ENG: variants seen among roughly 807,000 people sequenced by gnomAD.
ENG encodes the protein CD105 antigen.
A neutral mutation model predicts 71.0 loss-of-function variants in ENG; 17 were observed. The observed-to-expected ratio is 0.24, with a 90% CI of 0.16 to 0.36. The LOEUF is 0.36. Among genes scored for constraint, ENG ranks in the 10% least tolerant of loss-of-function variants. The pLI, the probability that ENG is intolerant of heterozygous loss-of-function variation, is 1.00. For missense variants in ENG, 749 were observed against 868.3 expected, an observed-to-expected ratio of 0.86 and a Z score of 1.73; for synonymous variants, 360 against 366.9, an observed-to-expected ratio of 0.98 and a Z score of 0.21.
intron 1 of ENG, among the ~76,000 whole-genome samples, chr9:127,849,994 G>A (rs1376320917): frequency 6.6e-6 from 1 of 152,226 alleles, no homozygotes; most frequent in African/African-American, 2.4e-5. Flanking sequence ...CTGAATAAAT[G>A]TCAGTTGTTA....
At chr9:127,820,058 A>G in intron 8 of ENG, 21 bp from the exon 9 acceptor site, 1 of 1,611,804 alleles carries the variant, frequency 6.2e-7, no homozygotes, top group Non-Finnish European at 8.5e-7. Flanking sequence ...AGAGAGGGGC[A>G]CCATCAGGAG....
At chr9:127,841,692 T>A (rs1196648357) in intron 2 of ENG, among the ~76,000 whole-genome samples, 1 of 152,104 alleles carries the variant, frequency 6.6e-6, no homozygotes, top group Non-Finnish European at 1.5e-5. Context: ...AGATTGGCCA[T>A]AAGTTTACCC....
chr9:127,829,660 G>T, intron 3 of ENG, 27 bp downstream of exon 3: 2 of 1,613,532 alleles, frequency 1.2e-6, no homozygotes, highest in Non-Finnish European at 8.5e-7. Context: ...CAGAGCCTCA[G>T]CCTGGGGTTG....
intron 2 of ENG, among the ~76,000 whole-genome samples, chr9:127,834,281 C>T (rs560021675): frequency 1.9e-4 from 29 of 150,104 alleles, no homozygotes; most frequent in Non-Finnish European, 2.5e-4. Flanking sequence ...CTTGCTCTGT[C>T]GCCTAGGCTA....
chr9:127,843,120 G>A lies in ENG; in HGVS notation c.193C>T (p.His65Tyr). The A allele has an allele frequency of 6.2e-7, 1 of 1,614,176 alleles. No homozygotes were observed. Among genetic ancestry groups the A allele is most frequent in the South Asian group, 1.1e-5 (1 of 91,086 alleles). ...GTTGGGAACTCCAGGAAGAGGACATGGACTTCAAGGATGGCATTGGGGGCC... is the reference window on the plus strand; with the variant it reads ...GTTGGGAACTCCAGGAAGAGGACATAGACTTCAAGGATGGCATTGGGGGCC... ...AQAPNAILEV[H>Y]VLFLEFPTGP... The change falls in exon 2 of 15, where the codon CAT (histidine) becomes TAT (tyrosine). Residue 65 changes from histidine (H) to tyrosine (Y), a missense_variant. Coordinates refer to ENST00000373203, the MANE Select transcript of ENG (RefSeq NM_001114753.3).
At position 127,825,746 on chromosome 9, in the gene ENG, G is replaced by T. The variant is rs920510293; in HGVS notation, c.638C>A (p.Ala213Asp). The T allele has an allele frequency of 5.6e-6, 9 of 1,599,222 alleles. No homozygotes were observed. The highest frequency in any genetic ancestry group is 7.7e-6 in the Non-Finnish European group (9 of 1,175,164). ...CAGGATGTGCGCCTCCTTGTGGCCG[G>T]CCACGCCTTCCAAGTGGCAGCCCCG... ...LVRGCHLEGVAGHKEAHILRV... is the reference protein window; with the variant it reads ...LVRGCHLEGVDGHKEAHILRV... Residue 213 changes from alanine (A) to aspartate (D), a missense_variant, in exon 5 of 15, where the codon GCC becomes GAC. Coordinates refer to ENST00000373203, the MANE Select transcript of ENG (RefSeq NM_001114753.3).
At chr9:127,833,700 G>C (rs1413313698) in intron 2 of ENG, among the ~76,000 whole-genome samples, 1 of 152,132 alleles carries the variant, frequency 6.6e-6, no homozygotes, top group Non-Finnish European at 1.5e-5. Flanking sequence ...AAAGGGGAAG[G>C]CTATTTCAAG....
intron 5 of ENG, 74 bp from the exon 6 acceptor site, chr9:127,825,431 G>T: frequency 6.3e-7 from 1 of 1,594,514 alleles, no homozygotes; most frequent in South Asian, 1.1e-5. Flanking sequence ...GCGTCGGGTG[G>T]GCGGCGGCTG....
At chr9:127,850,502 C>T (rs535386160) in intron 1 of ENG, among the ~76,000 whole-genome samples, 3 of 152,348 alleles carry the variant, frequency 2.0e-5, no homozygotes, top group South Asian at 2.1e-4. Flanking sequence ...CTAATGGTCA[C>T]GTCCCCCGTG....
intron 2 of ENG, among the ~76,000 whole-genome samples, chr9:127,834,331 G>A (rs532182510): frequency 1.7e-4 from 26 of 152,054 alleles, no homozygotes; most frequent in African/African-American, 4.1e-4. Flanking sequence ...TCCACCTCCC[G>A]GGTTCAAGCG....
At chr9:127,828,414 C>T (rs1179417509) in intron 3 of ENG, among the ~76,000 whole-genome samples, 2 of 152,190 alleles carry the variant, frequency 1.3e-5, no homozygotes, top group African/African-American at 2.4e-5. Flanking sequence ...CCTCTTTGTC[C>T]CCTCTGGCCA....
intron 12 of ENG, chr9:127,817,649 C>T (rs529655425): frequency 5.5e-5 from 19 of 345,586 alleles, no homozygotes; most frequent in African/African-American, 1.3e-4. Context: ...ACTCTGGGGG[C>T]GTCCAGGATA....
In ENG at chr9:127,815,646, C is replaced by T. The variant is rs1304704115; in HGVS notation, c.*36G>A. 1.9e-6 allele frequency: 3 copies of T among 1,542,660 alleles called. No homozygotes were observed. The highest frequency in any genetic ancestry group is 2.6e-6 in the Non-Finnish European group (3 of 1,151,054). ...CCAGTGCTCCCAGCTGGCGGCTGCT[C>T]AGTCTCTCCTGCTGGGCGAGCGCGG... On this transcript the variant is annotated 3_prime_UTR_variant, in exon 15 of 15. Coordinates refer to ENST00000373203, the MANE Select transcript of ENG (RefSeq NM_001114753.3).
At chr9:127,852,682 CAG>C (rs1251635435) in intron 1 of ENG, among the ~76,000 whole-genome samples, 1 of 152,126 alleles carries the variant, frequency 6.6e-6, no homozygotes. Flanking sequence ...TCTGCGCCTG[CAG>C]AGACTCTGGA....
At position 127,824,331 on chromosome 9, in the gene ENG, G is replaced by C. The variant is rs1213784133; in HGVS notation, c.1107C>G (p.Thr369=). The change falls in exon 8 of 15, where the codon ACC becomes ACG. Residue 369 remains threonine, a synonymous_variant. Transcript: ENST00000373203. The stretch of plus-strand genomic sequence containing the variant: ...CAACAAGCTCTTTCTTTAGTACCAG[G>C]GTCATGGCGTCGTCGGCACACTTTG... ...IQTKCADDAM[T]LVLKKELVAH... The C allele has an allele frequency of 6.2e-7, 1 of 1,613,888 alleles. No homozygotes were observed. The highest frequency in any genetic ancestry group is 8.5e-7 in the Non-Finnish European group (1 of 1,179,968).
At chr9:127,834,825 T>G (rs1010087842) in intron 2 of ENG, among the ~76,000 whole-genome samples, 2 of 138,256 alleles carry the variant, frequency 1.4e-5, no homozygotes, top group African/African-American at 2.9e-5. Flanking sequence ...TGTGAGCCAC[T>G]GCGCCCAGTT....
intron 1 of ENG, among the ~76,000 whole-genome samples, chr9:127,845,507 T>C (rs925142365): frequency 1.3e-5 from 2 of 152,194 alleles, no homozygotes; most frequent in Non-Finnish European, 2.9e-5. Flanking sequence ...GCATTTTGGT[T>C]AAAAGCAAGC....
At chr9:127,840,018 C>T (rs1830991583) in intron 2 of ENG, among the ~76,000 whole-genome samples, 2 of 152,264 alleles carry the variant, frequency 1.3e-5, no homozygotes, top group South Asian at 4.1e-4. Flanking sequence ...CCACCATACG[C>T]TGAGCCGTCA....
intron 10 of ENG, 108 bp from the exon 11 acceptor site, chr9:127,818,940 CTTTTT>C (rs373626892): frequency 5.3e-5 from 36 of 685,440 alleles, no homozygotes; most frequent in Non-Finnish European, 7.9e-5. Flanking sequence ...GCCTGACTCT[CTTTTT>C]TTTTTTTTTT....
Sources: gnomAD v4.1 joint callset for allele counts (sites outside exome capture counted in the v4.1 genomes callset) on GRCh38, gnomAD v4.1.1 for gene constraint, MANE v1.5 for transcripts, NCBI Gene and HGNC (gene_info 2026-07-23, HGNC 2026-07-21) for gene names.